Variants in HPD observed in about 807,000 individuals in gnomAD.
HPD encodes the protein 4-hydroxyphenylpyruvic acid oxidase.
Under a neutral mutation model 56.9 loss-of-function variants are expected in HPD, and 35 were observed. That is an observed-to-expected ratio of 0.62 (90% confidence interval 0.47 to 0.82). The LOEUF is 0.82. Ranked by LOEUF, HPD falls within the 40% of genes least tolerant of loss-of-function variation. The pLI, the probability that HPD is intolerant of heterozygous loss-of-function variation, is 0.00. For synonymous variants in HPD, 186 were observed against 200.2 expected, an observed-to-expected ratio of 0.93 and a Z score of 0.60; for missense variants, 442 against 506.8, an observed-to-expected ratio of 0.87 and a Z score of 1.23.
intron 12 of HPD, among the ~76,000 whole-genome samples, chr12:121,842,270 C>T (rs2620348): frequency 6.6e-6 from 1 of 151,256 alleles, no homozygotes; most frequent in Non-Finnish European, 1.5e-5. Flanking sequence ...ACTACAGGCA[C>T]GAACCACCAT....
the HPD span, among the ~76,000 whole-genome samples, chr12:121,887,459 A>C: frequency 6.6e-6 from 1 of 151,708 alleles, no homozygotes; most frequent in African/African-American, 2.4e-5. Flanking sequence ...GCTGGGCTGG[A>C]TCACTTGAGG....
rs143186033 is a variant in HPD at position 121,858,638 on chromosome 12, C to A, written c.30+49G>T. On this transcript the variant is annotated intron_variant, in intron 2 of 13. Coordinates refer to ENST00000289004, the MANE Select transcript of HPD (RefSeq NM_002150.3). ...AAACCCCAGTCTCCCTGCACTCCGA[C>A]CCCCTTCTAGACTCAGGCCCCTACA... 1,708 of 1,584,594 alleles carry A rather than the reference C, an allele frequency of 1.1e-3. 10 individuals carry two copies. In the African/African-American group the frequency reaches 0.019, roughly 17 times the overall value.
At chr12:121,869,237 C>G in the HPD span, among the ~76,000 whole-genome samples, 6 of 151,822 alleles carry the variant, frequency 4.0e-5, no homozygotes, top group Non-Finnish European at 8.8e-5. Flanking sequence ...ATAATCCCAG[C>G]TGCTCAGGAG....
At chr12:121,856,217 T>A in intron 6 of HPD, 107 bp downstream of exon 6, 1 of 850,406 alleles carries the variant, frequency 1.2e-6, no homozygotes, top group Non-Finnish European at 2.0e-6. Context: ...TGATGTGGCA[T>A]CTGGGCTTGT....
At chr12:121,865,674 A>G (rs1421299021), upstream of HPD, among the ~76,000 whole-genome samples, 1 of 152,074 alleles carries the variant, frequency 6.6e-6, no homozygotes, top group Non-Finnish European at 1.5e-5. Context: ...TTGGCTTAAT[A>G]CAATAAAACA....
intron 9 of HPD, among the ~76,000 whole-genome samples, chr12:121,848,186 G>A (rs1877648080): frequency 1.3e-5 from 2 of 152,120 alleles, no homozygotes; most frequent in African/African-American, 2.4e-5. Flanking sequence ...CCTGTGGGTC[G>A]CTTTGGGCCT....
intron 9 of HPD, among the ~76,000 whole-genome samples, chr12:121,848,759 C>T (rs976624943): frequency 2.4e-4 from 36 of 152,160 alleles, no homozygotes; most frequent in Admixed American, 9.8e-4. Flanking sequence ...GGGCCCAACA[C>T]CTCGCCCACT....
chr12:121,848,710 A>T (rs983866176), intron 9 of HPD, among the ~76,000 whole-genome samples: 7 of 152,056 alleles, frequency 4.6e-5, no homozygotes, highest in Non-Finnish European at 8.8e-5. Context: ...GGTTCAAGCG[A>T]TTCTCCTGCC....
the HPD span, among the ~76,000 whole-genome samples, chr12:121,869,767 C>T: frequency 6.6e-6 from 1 of 152,100 alleles, no homozygotes; most frequent in Non-Finnish European, 1.5e-5. Context: ...TCAAGTGATC[C>T]ACCCACCTTG....
At chr12:121,887,218 A>AT in the HPD span, among the ~76,000 whole-genome samples, 1,372 of 142,924 alleles carry the variant, frequency 9.6e-3, 16 homozygotes, top group African/African-American at 0.025. Context: ...ATTAATTATT[A>AT]TTTTTTTTTT....
At chr12:121,862,984 C>G (rs1418360336), upstream of HPD, among the ~76,000 whole-genome samples, 4 of 150,072 alleles carry the variant, frequency 2.7e-5, no homozygotes, top group African/African-American at 9.8e-5. Flanking sequence ...CCGGCACCCC[C>G]CCTCCTTTTT....
At chr12:121,880,133 C>T in the HPD span, among the ~76,000 whole-genome samples, 56 of 144,014 alleles carry the variant, frequency 3.9e-4, 1 homozygote, top group Admixed American at 3.1e-3. Flanking sequence ...AGTGACAGAG[C>T]GAGACCCTGT....
At chr12:121,857,486 G>A in intron 3 of HPD, 54 bp from the exon 4 acceptor site, 1 of 1,348,690 alleles carries the variant, frequency 7.4e-7, no homozygotes, top group Non-Finnish European at 1.1e-6. Flanking sequence ...CAGCATGGGG[G>A]ACTTCCGCAA....
chr12:121,861,943 G>A (rs77021271), upstream of HPD, among the ~76,000 whole-genome samples: 288 of 152,220 alleles, frequency 1.9e-3, 4 homozygotes, highest in African/African-American at 6.6e-3. Context: ...CCAAGAGGTC[G>A]AGGCTGCAAT....
At position 121,847,990 on chromosome 12, in the gene HPD, T is replaced by C. The variant is rs1877642331; in HGVS notation, c.597-776A>G. Among the ~76,000 whole-genome samples, 5 of 152,214 alleles carry C rather than the reference T, an allele frequency of 3.3e-5. No homozygotes were observed. The South Asian group carries it at 1.0e-3, about 32-fold the overall frequency. On this transcript the variant is annotated intron_variant, in intron 9 of 13. Coordinates refer to ENST00000289004, the MANE Select transcript of HPD (RefSeq NM_002150.3). ...GATTTGTACCTTTATGATGACATTT[T>C]TCCTTCAGGTGGAAGTGTCTTGGAA...
the HPD span, among the ~76,000 whole-genome samples, chr12:121,876,553 T>C: frequency 6.6e-6 from 1 of 152,148 alleles, no homozygotes; most frequent in Admixed American, 6.6e-5. Flanking sequence ...GCTCCATCAC[T>C]TGCATAAGCG....
intron 4 of HPD, chr12:121,856,958 A>AG: frequency 2.0e-6 from 1 of 505,408 alleles, no homozygotes; most frequent in Non-Finnish European, 3.6e-6. Flanking sequence ...GTGTTGGGCC[A>AG]GGCTGAGGAG....
chr12:121,873,776 C>T, the HPD span, among the ~76,000 whole-genome samples: 8 of 150,442 alleles, frequency 5.3e-5, no homozygotes, highest in East Asian at 1.6e-3. Flanking sequence ...GCCGAGATCG[C>T]GCCACTGCAC....
chr12:121,874,504 G>T, the HPD span, among the ~76,000 whole-genome samples: 4 of 151,908 alleles, frequency 2.6e-5, no homozygotes, highest in Non-Finnish European at 5.9e-5. Context: ...TGTAATCCCA[G>T]CTACTTGGGA....
Sources: allele counts gnomAD v4.1 joint callset (sites outside exome capture counted in the v4.1 genomes callset), GRCh38; gene constraint gnomAD v4.1.1; transcripts MANE v1.5; gene names NCBI Gene and HGNC (gene_info 2026-07-23, HGNC 2026-07-21).